The following DDX4 variants were observed in gnomAD, a reference collection of about 807,000 sequenced individuals.
The protein encoded by DDX4 is DEAD-box helicase 4.
DDX4 carries 25 observed loss-of-function variants against 100.0 expected under a neutral mutation model. That is an observed-to-expected ratio of 0.25 (90% CI 0.18 to 0.35). The LOEUF (loss-of-function observed/expected upper bound fraction) is 0.35. Ranked by LOEUF, DDX4 falls within the 10% of genes least tolerant of loss-of-function variation. The pLI is 1.00. For missense variants in DDX4, 635 were observed against 882.4 expected (o/e 0.72, Z 3.55); for synonymous variants, 259 against 275.7 (o/e 0.94, Z 0.60).
intron 21 of DDX4, among the ~76,000 whole-genome samples, chr5:55,815,766 TTTC>T (rs1458998266): frequency 7.3e-6 from 1 of 136,634 alleles, no homozygotes; most frequent in Non-Finnish European, 1.5e-5. Flanking sequence ...GTCTTTTCTT[TTTC>T]TTTTCTTTTT....
chr5:55,755,714 C>CT (rs529513352), intron 3 of DDX4, among the ~76,000 whole-genome samples: 2,546 of 145,944 alleles, frequency 0.017, 25 homozygotes, highest in Non-Finnish European at 0.017. Flanking sequence ...AGGGCAGATT[C>CT]TTTTTTTTTT....
At chr5:55,743,208 T>G (rs778431421) in intron 2 of DDX4, among the ~76,000 whole-genome samples, 9 of 152,190 alleles carry the variant, frequency 5.9e-5, no homozygotes, top group South Asian at 2.1e-4. Context: ...AATCTTTGCT[T>G]CTTCTAGCTT....
intron 6 of DDX4, among the ~76,000 whole-genome samples, chr5:55,764,641 C>A (rs1740776613): frequency 6.6e-6 from 1 of 152,154 alleles, no homozygotes; most frequent in African/African-American, 2.4e-5. Flanking sequence ...GATCCTGATA[C>A]CTCCTGTGTT....
chr5:55,783,820 T>C (rs966868245), intron 10 of DDX4, among the ~76,000 whole-genome samples: 4 of 150,274 alleles, frequency 2.7e-5, no homozygotes, highest in Non-Finnish European at 4.4e-5. Flanking sequence ...TCAATTCAAG[T>C]CCAAAGGAAC....
In DDX4 at chr5:55,787,909, A is replaced by C; in HGVS notation, c.1081A>C (p.Lys361Gln). 2 of 1,613,992 alleles carry C rather than the reference A, an allele frequency of 1.2e-6. No homozygotes were observed. Among genetic ancestry groups the C allele is most frequent in the Non-Finnish European group, 1.7e-6 (2 of 1,179,976 alleles). Residue 361 changes from lysine to glutamine, a missense_variant, in exon 15 of 22, where the codon AAA becomes CAA. Transcript: ENST00000505374. The part of the protein sequence containing the change: ...MHDGITASRF[K>Q]ELQEPECIIV... ...TGATGGAATAACTGCCAGTCGTTTT[A>C]AAGAGTTGCAGGAACCAGAGTGTAT...
At chr5:55,808,154 G>A (rs1167287335) in intron 18 of DDX4, among the ~76,000 whole-genome samples, 1 of 152,056 alleles carries the variant, frequency 6.6e-6, no homozygotes, top group Non-Finnish European at 1.5e-5. Context: ...CTCATGCCTT[G>A]GTTTTCAGCT....
intron 3 of DDX4, among the ~76,000 whole-genome samples, chr5:55,752,042 G>T (rs1012440399): frequency 1.3e-5 from 2 of 152,088 alleles, no homozygotes; most frequent in South Asian, 2.1e-4. Flanking sequence ...AATCTTTGAC[G>T]CTAAAGTTTT....
At chr5:55,751,771 C>T (rs1759566842) in intron 3 of DDX4, among the ~76,000 whole-genome samples, 1 of 152,098 alleles carries the variant, frequency 6.6e-6, no homozygotes, top group South Asian at 2.1e-4. Flanking sequence ...CATGGTATGC[C>T]TTATTAATCA....
chr5:55,780,923 C>A, intron 8 of DDX4, 143 bp from the exon 9 acceptor site: 1 of 580,072 alleles, frequency 1.7e-6, no homozygotes, highest in Non-Finnish European at 2.9e-6. Context: ...AATAGTTTAA[C>A]TTAGTTTAAT....
intron 3 of DDX4, among the ~76,000 whole-genome samples, chr5:55,754,880 C>T (rs1759829530): frequency 6.6e-6 from 1 of 152,142 alleles, no homozygotes; most frequent in Non-Finnish European, 1.5e-5. Flanking sequence ...AGAGATTCAA[C>T]TTCTTCCTGG....
chr5:55,785,931 T>C (rs1170041642), intron 13 of DDX4, 60 bp downstream of exon 13: 11 of 1,222,250 alleles, frequency 9.0e-6, no homozygotes, highest in African/African-American at 3.0e-5. Context: ...TAAAATACAT[T>C]ATGTAGTTTG....
In DDX4 at chr5:55,790,619, G is replaced by A. The variant is rs759797952; in HGVS notation, c.1216G>A (p.Gly406Arg). The change falls in exon 16 of 22, where the codon GGA becomes AGA. Residue 406 changes from glycine (G) to arginine (R), a missense_variant. Physicochemically the swap from Gly to Arg is moderately radical, Grantham distance 125 (BLOSUM62 -2). This residue lies in a region of DDX4 where 446 missense variants were observed against 540.8 expected (regional missense o/e 0.82). Coordinates refer to ENST00000505374, the MANE Select transcript of DDX4 (RefSeq NM_024415.3). ...TGTTATATATGGGGGAACCCAGCTG[G>A]GACATTCAATTCGACAAATAGTACA... Reference protein sequence around the residue: ...AVVIYGGTQLGHSIRQIVQGC... With the variant: ...AVVIYGGTQLRHSIRQIVQGC... 6.9e-6 allele frequency: 11 copies of A among 1,605,526 alleles called. No homozygotes were observed. The East Asian group carries it at 1.8e-4, about 26-fold the overall frequency.
At chr5:55,760,379 A>G in intron 4 of DDX4, 102 bp downstream of exon 4, 1 of 1,176,936 alleles carries the variant, frequency 8.5e-7, no homozygotes, top group Non-Finnish European at 1.1e-6. Context: ...GTTGTAAGTC[A>G]GTGTGTAGTA....
At chr5:55,762,526 G>A (rs560328917) in intron 4 of DDX4, among the ~76,000 whole-genome samples, 1 of 152,262 alleles carries the variant, frequency 6.6e-6, no homozygotes, top group East Asian at 1.9e-4. Context: ...CCATGCCAAA[G>A]GAATAGCATG....
At chr5:55,798,870 C>A (rs1743128700) in intron 18 of DDX4, among the ~76,000 whole-genome samples, 2 of 152,102 alleles carry the variant, frequency 1.3e-5, no homozygotes, top group African/African-American at 4.8e-5. Flanking sequence ...TTAGTAGTGA[C>A]ACATATTTAC....
At chr5:55,779,559 G>T (rs550127202) in intron 7 of DDX4, among the ~76,000 whole-genome samples, 122 of 152,226 alleles carry the variant, frequency 8.0e-4, no homozygotes, top group African/African-American at 2.8e-3. Flanking sequence ...CTTTATATGT[G>T]CCTGCATGTC....
chr5:55,738,928 A>ATTTTT, intron 1 of DDX4, 22 bp from the exon 2 acceptor site: 1 of 1,066,478 alleles, frequency 9.4e-7, no homozygotes, highest in Non-Finnish European at 1.4e-6. Flanking sequence ...CCAAATGTGC[A>ATTTTT]TTTTTTTTTT....
intron 6 of DDX4, among the ~76,000 whole-genome samples, chr5:55,766,438 G>GTT (rs1054625390): frequency 1.7e-4 from 20 of 117,146 alleles, no homozygotes; most frequent in East Asian, 2.5e-4. Flanking sequence ...TAGTAGTTTT[G>GTT]TTTTTTTTTT....
At chr5:55,797,695 C>T (rs1296135471) in intron 17 of DDX4, among the ~76,000 whole-genome samples, 2 of 152,184 alleles carry the variant, frequency 1.3e-5, no homozygotes, top group African/African-American at 4.8e-5. Context: ...TCATCTTTCT[C>T]ATTAGCAACT....
Sources: gnomAD v4.1 joint callset for allele counts (sites outside exome capture counted in the v4.1 genomes callset) on GRCh38, gnomAD v4.1.1 for gene constraint, gnomAD v4.1.1 regional missense constraint, MANE v1.5 for transcripts, NCBI Gene and HGNC (gene_info 2026-07-23, HGNC 2026-07-21) for gene names.